Variants in PKP4 observed in about 807,000 individuals in gnomAD.
PKP4 encodes plakophilin 4.
In PKP4, 90 loss-of-function variants were observed where a neutral mutation model predicts 145.1. The ratio of observed to expected loss-of-function variants is 0.62; its 90% CI spans 0.52 to 0.74. The LOEUF is 0.74. PKP4 is among the 30% of genes least tolerant of loss of function. The pLI, the probability that PKP4 is intolerant of heterozygous loss-of-function variation, is 0.00. For synonymous variants in PKP4, 563 were observed against 577.2 expected, an observed-to-expected ratio of 0.98 and a Z score of 0.35; for missense variants, 1,340 against 1,482.7, an observed-to-expected ratio of 0.90 and a Z score of 1.58.
At chr2:158,653,106 A>G (rs908816056) in intron 11 of PKP4, among the ~76,000 whole-genome samples, 1 of 152,208 alleles carries the variant, frequency 6.6e-6, no homozygotes, top group Non-Finnish European at 1.5e-5. Flanking sequence ...TCTTTTTAAT[A>G]TAATTAGGAA....
At chr2:158,484,210 G>T (rs1239333183) in intron 1 of PKP4, among the ~76,000 whole-genome samples, 1 of 151,836 alleles carries the variant, frequency 6.6e-6, no homozygotes, top group Non-Finnish European at 1.5e-5. Flanking sequence ...ACCGCGCCCG[G>T]CTAATTTTTT....
intron 2 of PKP4, among the ~76,000 whole-genome samples, chr2:158,556,507 T>G (rs565998571): frequency 1.2e-3 from 177 of 143,786 alleles, no homozygotes; most frequent in African/African-American, 4.2e-3. Flanking sequence ...AAATGAAGCA[T>G]TGTGGCTCTT....
At chr2:158,652,597 A>G (rs573081408) in intron 11 of PKP4, among the ~76,000 whole-genome samples, 48 of 152,346 alleles carry the variant, frequency 3.2e-4, no homozygotes, top group African/African-American at 1.2e-3. Context: ...GAAGCAGGCA[A>G]GGGCCGTGAT....
At chr2:158,560,809 CTG>C (rs1470239760) in intron 2 of PKP4, among the ~76,000 whole-genome samples, 2 of 152,184 alleles carry the variant, frequency 1.3e-5, no homozygotes, top group Non-Finnish European at 2.9e-5. Flanking sequence ...AGTGATTAAA[CTG>C]GGGTTTACAG....
intron 1 of PKP4, among the ~76,000 whole-genome samples, chr2:158,484,034 T>C (rs1361576555): frequency 3.7e-3 from 12 of 3,224 alleles, no homozygotes; most frequent in Middle Eastern, 0.071. Context: ...TTCTTTTTCT[T>C]TTTTTTTTTT....
At chr2:158,664,517 C>T (rs2056900765) in intron 15 of PKP4, among the ~76,000 whole-genome samples, 1 of 152,192 alleles carries the variant, frequency 6.6e-6, no homozygotes, top group Non-Finnish European at 1.5e-5. Context: ...CTGTGGGCTT[C>T]TTCCCCCACC....
chr2:158,606,292 T>C (rs1385736891), intron 4 of PKP4, among the ~76,000 whole-genome samples: 1 of 151,646 alleles, frequency 6.6e-6, no homozygotes, highest in Non-Finnish European at 1.5e-5. Context: ...TGAGCGGAGA[T>C]AGCACCACTG....
rs561839094 is a variant in PKP4 at position 158,495,125 on chromosome 2, G to A, written c.-6+37907G>A. Among the ~76,000 whole-genome samples, 9 of 152,144 alleles carry A rather than the reference G, an allele frequency of 5.9e-5. No individual in the cohort carries two copies. The East Asian group carries it at 1.5e-3, about 26-fold the overall frequency. On this transcript the variant is annotated intron_variant, in intron 1 of 21. Coordinates refer to ENST00000389759, the MANE Select transcript of PKP4 (RefSeq NM_003628.6). ...CCTACCTACTCGGGAGGCTGAGGCA[G>A]GAGAATCACTTGAACCCAGGAGGCG...
At chr2:158,522,946 C>A (rs572338157) in intron 1 of PKP4, among the ~76,000 whole-genome samples, 1 of 152,142 alleles carries the variant, frequency 6.6e-6, no homozygotes, top group Non-Finnish European at 1.5e-5. Flanking sequence ...GGCGCACCAC[C>A]AGACTATATC....
Position 158,680,726 on chromosome 2 carries a change from T to A in PKP4, c.*49T>A. 6.7e-7 allele frequency: 1 copy of A among 1,497,536 alleles called. No homozygotes were observed. Among genetic ancestry groups the A allele is most frequent in the South Asian group, 1.3e-5 (1 of 74,158 alleles). The allele number at this position is 1,497,536 out of a possible 1,614,324, so 92.8% of individuals were successfully genotyped here. ...CTCTTTCTTTCTAACCTTGTTCAGA[T>A]TGAGGTGAAAAGTCCATCTTGCTGA... On this transcript the variant is annotated 3_prime_UTR_variant, in exon 22 of 22. Transcript: ENST00000389759.
At chr2:158,590,959 T>A (rs1031841587) in intron 3 of PKP4, among the ~76,000 whole-genome samples, 4 of 152,140 alleles carry the variant, frequency 2.6e-5, no homozygotes, top group Admixed American at 6.6e-5. Context: ...ATGAGAAGTA[T>A]GTAACGTCAC....
At chr2:158,522,054 G>A (rs943848771) in intron 1 of PKP4, among the ~76,000 whole-genome samples, 3 of 152,062 alleles carry the variant, frequency 2.0e-5, no homozygotes, top group African/African-American at 4.8e-5. Context: ...TGTTCATAAT[G>A]ACAACTATAT....
At position 158,649,633 on chromosome 2, in the gene PKP4, T is replaced by A. The variant is rs115122923; in HGVS notation, c.1909+6934T>A. Among the ~76,000 whole-genome samples, 731 of 152,342 alleles carry A rather than the reference T, an allele frequency of 4.8e-3. 2 individuals carry two copies. Among genetic ancestry groups the A allele is most frequent in the African/African-American group, 0.016 (667 of 41,576 alleles). Reference sequence around the variant, plus strand: ...CAACCCTCTAAGTGGAATATGACCCTGTATTTTGAGTGTAGGCTTCCGAGT... The same window carrying A: ...CAACCCTCTAAGTGGAATATGACCCAGTATTTTGAGTGTAGGCTTCCGAGT... On this transcript the variant is annotated intron_variant, in intron 11 of 21. Transcript: ENST00000389759.
intron 3 of PKP4, among the ~76,000 whole-genome samples, chr2:158,586,981 A>G (rs1361437260): frequency 6.6e-6 from 1 of 152,232 alleles, no homozygotes; most frequent in Non-Finnish European, 1.5e-5. Context: ...AGAATTTTAA[A>G]CAATATATCT....
intron 1 of PKP4, among the ~76,000 whole-genome samples, chr2:158,472,406 G>A (rs552026727): frequency 2.2e-3 from 327 of 152,058 alleles, no homozygotes; most frequent in African/African-American, 3.3e-3. Flanking sequence ...TCAGGAGATC[G>A]AGACCATCCT....
intron 1 of PKP4, among the ~76,000 whole-genome samples, chr2:158,476,222 T>C (rs960930554): frequency 2.0e-5 from 3 of 152,256 alleles, no homozygotes; most frequent in Non-Finnish European, 4.4e-5. Context: ...TTTACTTTTA[T>C]ATTCATGTTA....
chr2:158,582,133 C>T (rs542662259), intron 3 of PKP4, among the ~76,000 whole-genome samples: 57 of 152,268 alleles, frequency 3.7e-4, no homozygotes, highest in Admixed American at 1.1e-3. Context: ...GTACCAAGTA[C>T]ACTAAAGTTA....
chr2:158,614,770 T>G (rs138493896), intron 4 of PKP4, among the ~76,000 whole-genome samples: 87 of 152,308 alleles, frequency 5.7e-4, no homozygotes, highest in African/African-American at 2.0e-3. Context: ...ATGCCAAATA[T>G]TTAAACTTTC....
At chr2:158,504,938 T>TA (rs1313257760) in intron 1 of PKP4, among the ~76,000 whole-genome samples, 2 of 152,322 alleles carry the variant, frequency 1.3e-5, no homozygotes, top group Admixed American at 1.3e-4. Context: ...GGATAAGAGT[T>TA]ACGGTAGATT....
Sources: gnomAD v4.1 joint callset for allele counts (sites outside exome capture counted in the v4.1 genomes callset) on GRCh38, gnomAD v4.1.1 for gene constraint, MANE v1.5 for transcripts, NCBI Gene and HGNC (gene_info 2026-07-23, HGNC 2026-07-21) for gene names.